Variants in RYR2 observed in about 807,000 individuals in gnomAD.
RYR2 encodes ryanodine receptor 2, also known as cardiac muscle ryanodine receptor-calcium release channel.
In RYR2, 227 loss-of-function variants were observed where a neutral mutation model predicts 601.1. The ratio of observed to expected loss-of-function variants is 0.38; its 90% CI spans 0.34 to 0.42. The LOEUF (loss-of-function observed/expected upper bound fraction) is 0.42, where lower values mean the gene tolerates loss of function less well. RYR2 is among the 10% of genes least tolerant of loss of function. The pLI is 1.00. For missense variants in RYR2, 4,646 were observed against 6,156.5 expected, an observed-to-expected ratio of 0.75 and a Z score of 8.21; for synonymous variants, 2,223 against 2,175.1, an observed-to-expected ratio of 1.02 and a Z score of -0.61.
chr1:237,071,762 G>T lies in RYR2; in HGVS notation c.48+29193G>T, dbSNP rs550241684. ...TGCCCCCTGTGGCAATCAACATTCTGTCCAAGATGCCCAGGCTGTGCACAC... is the reference window on the plus strand; with the variant it reads ...TGCCCCCTGTGGCAATCAACATTCTTTCCAAGATGCCCAGGCTGTGCACAC... On this transcript the variant is annotated intron_variant, in intron 1 of 104. Transcript: ENST00000366574. Among the ~76,000 whole-genome samples the T allele has an allele frequency of 4.6e-5, 7 of 152,292 alleles. No homozygotes were observed. In the South Asian group the frequency reaches 1.4e-3, roughly 32 times the overall value.
intron 1 of RYR2, among the ~76,000 whole-genome samples, chr1:237,268,789 A>T (rs143793254): frequency 0.034 from 5,124 of 151,250 alleles, 267 homozygotes; most frequent in African/African-American, 0.12. Context: ...TACAAAAATT[A>T]GCTGGGTGTG....
At chr1:237,549,770 C>G (rs1670198282) in intron 26 of RYR2, among the ~76,000 whole-genome samples, 1 of 151,142 alleles carries the variant, frequency 6.6e-6, no homozygotes, top group Admixed American at 6.6e-5. Flanking sequence ...AATACTGCAG[C>G]AGGTCTCAGG....
At chr1:237,589,206 A>G (rs558249293) in intron 29 of RYR2, among the ~76,000 whole-genome samples, 1 of 152,298 alleles carries the variant, frequency 6.6e-6, no homozygotes, top group South Asian at 2.1e-4. Context: ...GCTTAGATCC[A>G]GTTTATTCCA....
intron 20 of RYR2, 95 bp downstream of exon 20, chr1:237,496,847 T>C (rs1008360448): frequency 7.2e-7 from 1 of 1,396,660 alleles, no homozygotes; most frequent in Non-Finnish European, 9.7e-7. Context: ...GGTACTTCTA[T>C]AGGGTATTAA....
intron 1 of RYR2, among the ~76,000 whole-genome samples, chr1:237,148,553 T>TATATATATATATATATATATACATAC (rs71178397): frequency 9.5e-6 from 1 of 105,702 alleles, no homozygotes; most frequent in African/African-American, 4.0e-5. Context: ...TATATATATA[T>TATATATATATATATATATATACATAC]ACACACACAC....
rs1693205310 is a variant in RYR2, at chr1:237,759,191, A to C, written c.11326-585A>C. On this transcript the variant is annotated intron_variant, in intron 82 of 104. Transcript: ENST00000366574. ...AACCTCCGCCTCCTGGGTTCAAGCAATTCTCCTGCCTCAGCCTCCCGAGTA... is the reference window on the plus strand; with the variant it reads ...AACCTCCGCCTCCTGGGTTCAAGCACTTCTCCTGCCTCAGCCTCCCGAGTA... 2.6e-5 allele frequency among the ~76,000 whole-genome samples: 4 copies of C among 152,096 alleles called. No individual in the cohort carries two copies. The South Asian group carries it at 8.3e-4, about 32-fold the overall frequency.
chr1:237,784,789 C>G lies in RYR2; in HGVS notation c.13077C>G (p.Pro4359=). The G allele has an allele frequency of 1.2e-6, 2 of 1,609,920 alleles. No homozygotes were observed. Among genetic ancestry groups the G allele is most frequent in the South Asian group, 1.1e-5 (1 of 90,836 alleles). The change falls in exon 90 of 105, where the codon CCC becomes CCG. Residue 4359 remains proline (P), a synonymous_variant. Coordinates refer to ENST00000366574, the MANE Select transcript of RYR2 (RefSeq NM_001035.3). The surrounding 1 kb of genome is among the most constrained non-coding windows in gnomAD (Gnocchi z 7.1). ...GGAAACCCCTGGAAGCCGCCCTGCC[C>G]TCCGAGGATCTGACCGACTTAAAGG... ...GERKPLEAAL[P]SEDLTDLKEL...
chr1:237,782,935 G>A (rs909143817), intron 89 of RYR2, among the ~76,000 whole-genome samples: 6 of 152,116 alleles, frequency 3.9e-5, no homozygotes, highest in African/African-American at 7.2e-5. Flanking sequence ...CTGCTTCTCC[G>A]ATTGACTCTG....
intron 1 of RYR2, among the ~76,000 whole-genome samples, chr1:237,093,523 A>T (rs1465797504): frequency 6.6e-6 from 1 of 152,118 alleles, no homozygotes; most frequent in Non-Finnish European, 1.5e-5. Flanking sequence ...GTCCAGGCTG[A>T]CCCTGGCCTG....
chr1:237,370,661 A>AT (rs141088160), intron 6 of RYR2, among the ~76,000 whole-genome samples: 23,617 of 133,592 alleles, frequency 0.18, 2,265 homozygotes, highest in East Asian at 0.37. Context: ...GTTTCATTCC[A>AT]TTTTTTTTTT....
intron 100 of RYR2, among the ~76,000 whole-genome samples, chr1:237,813,020 C>T (rs1276131233): frequency 6.6e-6 from 1 of 152,104 alleles, no homozygotes; most frequent in Non-Finnish European, 1.5e-5. Context: ...CCCCTCCTCC[C>T]ACGCCTATTC....
At chr1:237,207,032 G>A (rs6658907) in intron 1 of RYR2, among the ~76,000 whole-genome samples, 17 of 151,878 alleles carry the variant, frequency 1.1e-4, no homozygotes, top group African/African-American at 4.1e-4. Context: ...TTCAGGTGAT[G>A]CTTGGCTGGG....
Position 237,121,448 on chromosome 1 carries a change from A to C in RYR2, c.48+78879A>C, listed in dbSNP as rs149083078. Among the ~76,000 whole-genome samples, 76 of 152,332 alleles carry C rather than the reference A, an allele frequency of 5.0e-4. 1 individual carries two copies. Among genetic ancestry groups the C allele is most frequent in the Non-Finnish European group, 8.7e-4 (59 of 68,036 alleles). ...GAGGAGAAAGCTGTTTACAGTAAAAATGTATTTGCAAGAGAATTTTAAGAT... is the reference window on the plus strand; with the variant it reads ...GAGGAGAAAGCTGTTTACAGTAAAACTGTATTTGCAAGAGAATTTTAAGAT... On this transcript the variant is annotated intron_variant, in intron 1 of 104. Coordinates refer to ENST00000366574, the MANE Select transcript of RYR2 (RefSeq NM_001035.3).
intron 80 of RYR2, among the ~76,000 whole-genome samples, chr1:237,742,731 T>G (rs1031949502): frequency 1.3e-5 from 2 of 152,232 alleles, no homozygotes; most frequent in African/African-American, 4.8e-5. Context: ...TATTTTTTCC[T>G]GAATAGAAGT....
At chr1:237,629,683 A>C (rs531473607) in intron 41 of RYR2, among the ~76,000 whole-genome samples, 1 of 152,284 alleles carries the variant, frequency 6.6e-6, no homozygotes, top group African/African-American at 2.4e-5. Context: ...AAAACGAATA[A>C]AATGGAATAC....
chr1:237,407,713 T>C (rs1572185655), intron 10 of RYR2, among the ~76,000 whole-genome samples: 1 of 150,726 alleles, frequency 6.6e-6, no homozygotes, highest in Non-Finnish European at 1.5e-5. Context: ...ATCTCCTGGG[T>C]TCACGCCATT....
At chr1:237,265,215 C>T (rs540568926) in intron 1 of RYR2, among the ~76,000 whole-genome samples, 25 of 152,174 alleles carry the variant, frequency 1.6e-4, no homozygotes, top group Admixed American at 4.6e-4. Flanking sequence ...TTTAATAGTG[C>T]ATGCGAAAGT....
intron 10 of RYR2, among the ~76,000 whole-genome samples, chr1:237,406,896 G>T (rs561323033): frequency 3.4e-4 from 52 of 152,184 alleles, no homozygotes; most frequent in Admixed American, 7.9e-4. Flanking sequence ...ACTCAGTGTT[G>T]TACATTCTAT....
intron 1 of RYR2, among the ~76,000 whole-genome samples, chr1:237,190,812 A>T (rs1273612569): frequency 6.6e-6 from 1 of 152,216 alleles, no homozygotes; most frequent in East Asian, 1.9e-4. Flanking sequence ...TCCTCTGAAG[A>T]TGCCGAGGGA....
Sources: gnomAD v4.1 joint callset for allele counts (sites outside exome capture counted in the v4.1 genomes callset) on GRCh38, gnomAD v4.1.1 for gene constraint, Gnocchi (gnomAD v3.1) non-coding constraint, MANE v1.5 for transcripts, NCBI Gene and HGNC (gene_info 2026-07-23, HGNC 2026-07-21) for gene names.